Variants in GALNT13 observed in about 807,000 individuals in gnomAD.
GALNT13 encodes UDP-GalNAc:polypeptide N-acetylgalactosaminyltransferase 13.
GALNT13 carries 28 observed loss-of-function variants against 64.2 expected under a neutral mutation model. That is an observed-to-expected ratio of 0.44 (90% CI 0.32 to 0.60). GALNT13 has a LOEUF of 0.60. GALNT13 is among the 20% of genes least tolerant of loss of function. GALNT13 has a pLI of 0.05. For missense variants in GALNT13, 577 were observed against 669.8 expected, an observed-to-expected ratio of 0.86 and a Z score of 1.53; for synonymous variants, 214 against 224.6, an observed-to-expected ratio of 0.95 and a Z score of 0.42.
At chr2:154,048,540 AAAG>A (rs757382894) in intron 3 of GALNT13, among the ~76,000 whole-genome samples, 5 of 152,280 alleles carry the variant, frequency 3.3e-5, no homozygotes, top group Non-Finnish European at 7.4e-5. Context: ...AAATATTATT[AAAG>A]GAGGTCATCT....
the GALNT13 span, among the ~76,000 whole-genome samples, chr2:153,250,202 C>T: frequency 6.6e-6 from 1 of 151,904 alleles, no homozygotes; most frequent in Non-Finnish European, 1.5e-5. Flanking sequence ...AAAAAAACAA[C>T]CCCATCAAAA....
chr2:153,542,548 T>A, the GALNT13 span, among the ~76,000 whole-genome samples: 1 of 152,134 alleles, frequency 6.6e-6, no homozygotes, highest in Non-Finnish European at 1.5e-5. Context: ...AAGGAATATT[T>A]TGATTAAACT....
chr2:153,459,575 A>G, the GALNT13 span, among the ~76,000 whole-genome samples: 1 of 152,234 alleles, frequency 6.6e-6, no homozygotes. Context: ...AAAATCTGAC[A>G]AAAATACAAA....
chr2:153,860,611 A>G, the GALNT13 span, among the ~76,000 whole-genome samples: 1 of 152,216 alleles, frequency 6.6e-6, no homozygotes. Context: ...TTGGGAAGCC[A>G]GTCTTCTCCA....
At chr2:153,700,758 T>G in the GALNT13 span, among the ~76,000 whole-genome samples, 1 of 152,018 alleles carries the variant, frequency 6.6e-6, no homozygotes, top group South Asian at 2.1e-4. Context: ...ACAAAGAGAA[T>G]AAATTACCTA....
chr2:154,343,578 A>G (rs1047825982), intron 9 of GALNT13, among the ~76,000 whole-genome samples: 75 of 152,098 alleles, frequency 4.9e-4, no homozygotes, highest in Admixed American at 1.5e-3. Context: ...AAGTCAGTCA[A>G]TAAACTACAG....
At chr2:153,650,544 A>G in the GALNT13 span, among the ~76,000 whole-genome samples, 2 of 152,140 alleles carry the variant, frequency 1.3e-5, no homozygotes, top group African/African-American at 2.4e-5. Context: ...TAGTTGATGC[A>G]GTTTCTTCCT....
chr2:153,826,253 C>T, the GALNT13 span, among the ~76,000 whole-genome samples: 4 of 152,268 alleles, frequency 2.6e-5, no homozygotes, highest in South Asian at 2.1e-4. Flanking sequence ...CTCTCTTCCT[C>T]TTCTTATAAA....
intron 4 of GALNT13, among the ~76,000 whole-genome samples, chr2:154,147,154 G>T (rs1683654777): frequency 6.6e-6 from 1 of 151,762 alleles, no homozygotes; most frequent in Non-Finnish European, 1.5e-5. Flanking sequence ...AAACTCTATA[G>T]CCGTTAAACA....
At chr2:153,512,095 C>T in the GALNT13 span, among the ~76,000 whole-genome samples, 2 of 151,858 alleles carry the variant, frequency 1.3e-5, no homozygotes, top group African/African-American at 4.8e-5. Flanking sequence ...GATAACTGAA[C>T]GGGGAAGTCA....
At chr2:153,541,087 T>C in the GALNT13 span, among the ~76,000 whole-genome samples, 38 of 152,254 alleles carry the variant, frequency 2.5e-4, no homozygotes, top group Non-Finnish European at 1.5e-4. Flanking sequence ...TTATCTTGAA[T>C]TGTAGCTCCT....
chr2:153,825,759 C>T, the GALNT13 span, among the ~76,000 whole-genome samples: 2 of 151,958 alleles, frequency 1.3e-5, no homozygotes, highest in South Asian at 2.1e-4. Flanking sequence ...GCCTAAAAAA[C>T]GACTAACAAG....
At chr2:153,301,309 C>CAAAAAAAAGAAAAA in the GALNT13 span, among the ~76,000 whole-genome samples, 2 of 76,432 alleles carry the variant, frequency 2.6e-5, no homozygotes, top group African/African-American at 1.3e-4. Context: ...GACTCCTTCT[C>CAAAAAAAAGAAAAA]AAAAAAAAAG....
chr2:153,869,812 A>T (rs75313225), upstream of GALNT13, among the ~76,000 whole-genome samples: 270 of 152,230 alleles, frequency 1.8e-3, no homozygotes, highest in African/African-American at 5.7e-3. Flanking sequence ...CAAGACATGG[A>T]CTATATTATC....
At chr2:153,146,520 A>G in the GALNT13 span, among the ~76,000 whole-genome samples, 2 of 151,884 alleles carry the variant, frequency 1.3e-5, no homozygotes, top group African/African-American at 2.4e-5. Flanking sequence ...ATTGCACTCA[A>G]TGATAGGCAC....
the GALNT13 span, among the ~76,000 whole-genome samples, chr2:153,844,543 T>C: frequency 1.3e-5 from 2 of 152,214 alleles, no homozygotes; most frequent in Non-Finnish European, 2.9e-5. Flanking sequence ...TTCAAAGCCT[T>C]TTCCCATATT....
intron 3 of GALNT13, among the ~76,000 whole-genome samples, chr2:154,083,124 G>T (rs969992256): frequency 1.3e-5 from 2 of 151,828 alleles, no homozygotes; most frequent in African/African-American, 4.8e-5. Flanking sequence ...TCAGTTTTCT[G>T]CATATGGCTA....
the GALNT13 span, among the ~76,000 whole-genome samples, chr2:153,310,822 T>C: frequency 1.3e-5 from 2 of 152,142 alleles, no homozygotes; most frequent in African/African-American, 4.8e-5. Context: ...TCAGCTATAC[T>C]TAAGAATTTT....
chr2:153,616,090 C>T, the GALNT13 span, among the ~76,000 whole-genome samples: 1 of 151,948 alleles, frequency 6.6e-6, no homozygotes, highest in Non-Finnish European at 1.5e-5. Flanking sequence ...GTCTTTAATC[C>T]ATTTTAATTA....
Sources: allele counts gnomAD v4.1 joint callset (sites outside exome capture counted in the v4.1 genomes callset), GRCh38; gene constraint gnomAD v4.1.1; transcripts MANE v1.5; gene names NCBI Gene and HGNC (gene_info 2026-07-23, HGNC 2026-07-21).